Variants in SLC45A2 observed in about 807,000 individuals in gnomAD.
SLC45A2 encodes solute carrier family 45 member 2.
Under a neutral mutation model 45.5 loss-of-function variants are expected in SLC45A2, and 36 were observed. That is an observed-to-expected ratio of 0.79 (90% CI 0.61 to 1.04). The LOEUF (loss-of-function observed/expected upper bound fraction) is 1.04. Among genes scored for constraint, SLC45A2 ranks in the 50% least tolerant of loss-of-function variants. The pLI is 0.00. For synonymous variants in SLC45A2, 306 were observed against 269.3 expected (o/e 1.14, Z -1.33); for missense variants, 719 against 671.0 (o/e 1.07, Z -0.79).
At chr5:33,969,065 C>CTCTCTCTCTCTCTCTCTCTCTGTGTG in intron 2 of SLC45A2, among the ~76,000 whole-genome samples, 40 of 102,454 alleles carry the variant, frequency 3.9e-4, no homozygotes, top group East Asian at 7.5e-4. Context: ...CTCTCTCTCT[C>CTCTCTCTCTCTCTCTCTCTCTGTGTG]TGTGTGTGTG....
intron 6 of SLC45A2, chr5:33,946,648 A>T: frequency 9.9e-7 from 1 of 1,013,834 alleles, no homozygotes; most frequent in Non-Finnish European, 1.2e-6. Context: ...TCCTTCTCAC[A>T]CATGGGGTCT....
Position 33,984,521 on chromosome 5 carries a change from G to A in SLC45A2, c.63C>T (p.Pro21=). The A allele has an allele frequency of 1.9e-6, 3 of 1,612,994 alleles. No homozygotes were observed. The highest frequency in any genetic ancestry group is 2.5e-6 in the Non-Finnish European group (3 of 1,180,028). Residue 21 remains proline (P), a synonymous_variant, in exon 1 of 7, where the codon CCC becomes CCT. Transcript: ENST00000296589. The stretch of plus-strand genomic sequence containing the variant: ...TTTTAGGCGGCTCCACAGAGTCAAA[G>A]GGGCCATCATCAGCTAGGGATTTAT... ...HIYKSLADDG[P]FDSVEPPKRP... is the part of the protein sequence containing the mutation.
intron 6 of SLC45A2, among the ~76,000 whole-genome samples, chr5:33,945,705 C>G (rs996068978): frequency 2.2e-4 from 33 of 152,032 alleles, no homozygotes; most frequent in African/African-American, 8.0e-4. Flanking sequence ...AATTTGTTTG[C>G]TTTTCTATAA....
intron 3 of SLC45A2, among the ~76,000 whole-genome samples, chr5:33,958,242 ACTT>A (rs1446007844): frequency 6.6e-6 from 1 of 152,196 alleles, no homozygotes; most frequent in Non-Finnish European, 1.5e-5. Context: ...TCTGGTTTAA[ACTT>A]CTGAAATAAT....
intron 2 of SLC45A2, among the ~76,000 whole-genome samples, chr5:33,969,320 G>T (rs1029806911): frequency 2.6e-5 from 4 of 151,846 alleles, no homozygotes; most frequent in African/African-American, 9.7e-5. Context: ...TGATACATAT[G>T]CTCTGGTCAA....
In SLC45A2 at chr5:33,951,652, C is replaced by T. The variant is rs761873791; in HGVS notation, c.1058G>A (p.Ser353Asn). 11 of 1,614,062 alleles carry T rather than the reference C, an allele frequency of 6.8e-6. No individual in the cohort carries two copies. The Admixed American group carries it at 1.8e-4, about 27-fold the overall frequency. Reference sequence around the variant, plus strand: ...GAGAAACTCTGTGGAGTTGTGTGCACTATAGGGATCCCCGCGGTACACAAT... The same window carrying T: ...GAGAAACTCTGTGGAGTTGTGTGCATTATAGGGATCCCCGCGGTACACAAT... ...GQIVYRGDPY[S>N]AHNSTEFLIY... is the part of the protein sequence containing the mutation. Residue 353 changes from serine (S) to asparagine (N), a missense_variant, in exon 5 of 7, where the codon AGT becomes AAT. Coordinates refer to ENST00000296589, the MANE Select transcript of SLC45A2 (RefSeq NM_016180.5).
chr5:33,963,785 A>C lies in SLC45A2; in HGVS notation c.794T>G (p.Met265Arg), dbSNP rs1225244453. Residue 265 changes from methionine to arginine, a missense_variant, in exon 3 of 7, where the codon ATG becomes AGG. Transcript: ENST00000296589. The stretch of plus-strand genomic sequence containing the variant: ...TTTCTCGATAGAACCATACTCGTAC[A>C]TTCCATCTGATGACAATGGAGGGTC... ...PQDPPLSSDGMYEYGSIEKVK... is the reference protein window; with the variant it reads ...PQDPPLSSDGRYEYGSIEKVK... 6.2e-7 allele frequency: 1 copy of C among 1,614,168 alleles called. No individual in the cohort carries two copies. The highest frequency in any genetic ancestry group is 8.5e-7 in the Non-Finnish European group (1 of 1,180,028).
intron 5 of SLC45A2, among the ~76,000 whole-genome samples, chr5:33,950,122 TGAGGCTGCA>T (rs1335272656): frequency 6.6e-6 from 1 of 151,960 alleles, no homozygotes; most frequent in Non-Finnish European, 1.5e-5. Flanking sequence ...CCCAGAAGGT[TGAGGCTGCA>T]GTGAGCCATG....
Position 33,984,332 on chromosome 5 carries a change from C to G in SLC45A2, c.252G>C (p.Leu84=), listed in dbSNP as rs1189437490. ...CGCTGGCCGATCCGACCACGGGCTG[C>G]AGCAGGAATCCCAGGATGGGGCTGA... ...WFLSPILGFL[L]QPVVGSASDH... is the part of the protein sequence containing the mutation. The change falls in exon 1 of 7, where the codon CTG becomes CTC. Residue 84 remains leucine (L), a synonymous_variant. Transcript: ENST00000296589. 6.2e-7 allele frequency: 1 copy of G among 1,614,100 alleles called. No individual in the cohort carries two copies. Among genetic ancestry groups the G allele is most frequent in the East Asian group, 2.2e-5 (1 of 44,876 alleles).
intron 2 of SLC45A2, among the ~76,000 whole-genome samples, chr5:33,967,808 ACACACACAC>A (rs1752644896): frequency 3.3e-5 from 5 of 151,010 alleles, no homozygotes; most frequent in African/African-American, 9.7e-5. Flanking sequence ...ACACACACAC[ACACACACAC>A]ACACACACAC....
intron 2 of SLC45A2, among the ~76,000 whole-genome samples, chr5:33,978,169 G>A (rs1332632023): frequency 6.6e-6 from 1 of 152,138 alleles, no homozygotes; most frequent in African/African-American, 2.4e-5. Context: ...CTTCCCTTTG[G>A]AGTTTAGACA....
Position 33,984,630 on chromosome 5 carries a change from G to A in SLC45A2, c.-47C>T, listed in dbSNP as rs1210737123. 1 of 1,601,430 alleles carries A rather than the reference G, an allele frequency of 6.2e-7. No individual in the cohort carries two copies. Among genetic ancestry groups the A allele is most frequent in the South Asian group, 1.1e-5 (1 of 90,932 alleles). ...CCTGCGAGCCCACCACCTCCTGCGT[G>A]GTCCTAGGGTCTGTGTTTCAAACTG... On this transcript the variant is annotated 5_prime_UTR_variant, in exon 1 of 7. Transcript: ENST00000296589.
intron 2 of SLC45A2, among the ~76,000 whole-genome samples, chr5:33,981,470 G>C (rs895151510): frequency 6.6e-6 from 1 of 152,206 alleles, no homozygotes; most frequent in African/African-American, 2.4e-5. Context: ...TGGGCTGATA[G>C]AGTCCCCCTC....
chr5:33,968,881 C>G (rs560724279), intron 2 of SLC45A2, among the ~76,000 whole-genome samples: 2 of 152,182 alleles, frequency 1.3e-5, no homozygotes, highest in Non-Finnish European at 2.9e-5. Flanking sequence ...GGAGGACAGA[C>G]TAAAGAACTC....
chr5:33,977,569 C>A (rs928681357), intron 2 of SLC45A2, among the ~76,000 whole-genome samples: 5 of 152,136 alleles, frequency 3.3e-5, no homozygotes, highest in Non-Finnish European at 7.3e-5. Context: ...TCTCCACAGG[C>A]AGAAAAGGAG....
chr5:33,984,482 T>G lies in SLC45A2; in HGVS notation c.102A>C (p.Arg34Ser). Reference protein sequence around the residue: ...SVEPPKRPTSRLIMHSMAMFG... With the variant: ...SVEPPKRPTSSLIMHSMAMFG... Reference sequence around the variant, plus strand: ...ACATGGCCATGCTGTGCATGATGAGTCTGCTGGTGGGTCTTTTAGGCGGCT... The same window carrying G: ...ACATGGCCATGCTGTGCATGATGAGGCTGCTGGTGGGTCTTTTAGGCGGCT... The change falls in exon 1 of 7, where the codon AGA (arginine) becomes AGC (serine). Residue 34 changes from arginine (R) to serine (S), a missense_variant. Coordinates refer to ENST00000296589, the MANE Select transcript of SLC45A2 (RefSeq NM_016180.5). The G allele has an allele frequency of 6.2e-7, 1 of 1,613,530 alleles. No homozygotes were observed. Among genetic ancestry groups the G allele is most frequent in the Non-Finnish European group, 8.5e-7 (1 of 1,180,022 alleles).
chr5:33,974,793 GAGAA>G (rs1456786388), intron 2 of SLC45A2, among the ~76,000 whole-genome samples: 1 of 152,154 alleles, frequency 6.6e-6, no homozygotes, highest in Non-Finnish European at 1.5e-5. Context: ...TGAACACAGG[GAGAA>G]AGAGAGAGAT....
At chr5:33,951,773 C>T (rs1262783217) in intron 4 of SLC45A2, 96 bp from the exon 5 acceptor site, 5 of 1,510,920 alleles carry the variant, frequency 3.3e-6, no homozygotes, top group Non-Finnish European at 4.6e-6. Flanking sequence ...AGCAAATGTC[C>T]CTGCCTGAGG....
intron 2 of SLC45A2, among the ~76,000 whole-genome samples, chr5:33,975,125 C>G (rs1038813867): frequency 1.3e-5 from 2 of 151,858 alleles, no homozygotes; most frequent in Non-Finnish European, 2.9e-5. Context: ...CACACAACCT[C>G]TGCTGCTTCC....
Sources: gnomAD v4.1 joint callset for allele counts (sites outside exome capture counted in the v4.1 genomes callset) on GRCh38, gnomAD v4.1.1 for gene constraint, MANE v1.5 for transcripts, NCBI Gene and HGNC (gene_info 2026-07-23, HGNC 2026-07-21) for gene names.